Variants in UBE2E1 observed in about 807,000 individuals in gnomAD.
UBE2E1 encodes the protein ubiquitin-conjugating enzyme E2 E1.
A neutral mutation model predicts 21.4 loss-of-function variants in UBE2E1; 6 were observed. That is an observed-to-expected ratio of 0.28 (90% CI 0.15 to 0.55). The LOEUF (loss-of-function observed/expected upper bound fraction) is 0.55, where lower values mean the gene tolerates loss of function less well. Among genes scored for constraint, UBE2E1 ranks in the 20% least tolerant of loss-of-function variants. The pLI is 0.93. For missense variants in UBE2E1, 142 were observed against 236.5 expected, an observed-to-expected ratio of 0.60 and a Z score of 2.62; for synonymous variants, 87 against 82.7, an observed-to-expected ratio of 1.05 and a Z score of -0.28.
chr3:23,890,749 T>A lies in UBE2E1; in HGVS notation c.*143T>A. 1 of 705,426 alleles carries A rather than the reference T, an allele frequency of 1.4e-6. No homozygotes were observed. The highest frequency in any genetic ancestry group is 2.1e-6 in the Non-Finnish European group (1 of 470,876). The allele number at this position is 705,426 out of a possible 1,614,324, so 43.7% of individuals were successfully genotyped here. Reference sequence around the variant, plus strand: ...TTATTCAGTCTTATTTCCTAAGATTTTGTTGTAACTTAAGGTATCTTGCTA... The same window carrying A: ...TTATTCAGTCTTATTTCCTAAGATTATGTTGTAACTTAAGGTATCTTGCTA... On this transcript the variant is annotated 3_prime_UTR_variant, in exon 6 of 6. Coordinates refer to ENST00000306627, the MANE Select transcript of UBE2E1 (RefSeq NM_003341.5).
intron 3 of UBE2E1, 34 bp downstream of exon 3, chr3:23,811,544 A>G (rs1021753663): frequency 2.5e-6 from 4 of 1,598,728 alleles, no homozygotes; most frequent in Non-Finnish European, 3.4e-6. Flanking sequence ...CCATTTTTAA[A>G]ATTCTTCTAA....
intron 4 of UBE2E1, chr3:23,888,321 A>G (rs1259657246): frequency 3.3e-5 from 15 of 455,076 alleles, no homozygotes; most frequent in Non-Finnish European, 6.2e-5. Flanking sequence ...ATTCAGTCAG[A>G]AAGAAAACCC....
chr3:23,810,494 C>T lies in UBE2E1; in HGVS notation c.153-966C>T, dbSNP rs1057458406. On this transcript the variant is annotated intron_variant, in intron 2 of 5. Coordinates refer to ENST00000306627, the MANE Select transcript of UBE2E1 (RefSeq NM_003341.5). This position sits in a 1 kb window ranked among gnomAD's most constrained non-coding sequence, Gnocchi z 5.8. ...GCGGACCATGAAGGAAGTGGGCAGA[C>T]CCCGGGAAGTTAGAGGACGCCCGGG... 5.9e-6 allele frequency: 9 copies of T among 1,535,564 alleles called. No homozygotes were observed. The highest frequency in any genetic ancestry group is 7.8e-6 in the Non-Finnish European group (9 of 1,146,694).
chr3:23,867,148 A>G (rs912479622), intron 3 of UBE2E1, among the ~76,000 whole-genome samples: 4 of 139,112 alleles, frequency 2.9e-5, no homozygotes, highest in African/African-American at 1.1e-4. Flanking sequence ...TTTATATTTT[A>G]TGTATTTTAT....
At chr3:23,860,808 A>G (rs1310332631) in intron 3 of UBE2E1, among the ~76,000 whole-genome samples, 10 of 152,272 alleles carry the variant, frequency 6.6e-5, no homozygotes. Context: ...CATGTACACT[A>G]TATTTAAACT....
At position 23,876,567 on chromosome 3, in the gene UBE2E1, TA is replaced by T. The variant is rs751388399; in HGVS notation, c.204-10999del. On this transcript the variant is annotated intron_variant, in intron 3 of 5. Coordinates refer to ENST00000306627, the MANE Select transcript of UBE2E1 (RefSeq NM_003341.5). The surrounding 1 kb of genome is among the most constrained non-coding windows in gnomAD (Gnocchi z 4.3). ...AGTAGTGTGTTTGTCATAGGGAATG[TA>T]GATGTAATTGGATTTTTTTTTCATA... 3.1e-4 allele frequency among the ~76,000 whole-genome samples: 47 copies of T among 152,186 alleles called. No individual in the cohort carries two copies. The highest frequency in any genetic ancestry group is 7.8e-4 in the Admixed American group (12 of 15,288).
chr3:23,850,174 A>G (rs1700292292), intron 3 of UBE2E1, among the ~76,000 whole-genome samples: 1 of 152,146 alleles, frequency 6.6e-6, no homozygotes, highest in Non-Finnish European at 1.5e-5. Context: ...TATCTAATAT[A>G]TCAATCTATT....
chr3:23,830,688 T>C (rs1293005414), intron 3 of UBE2E1, among the ~76,000 whole-genome samples: 1 of 152,242 alleles, frequency 6.6e-6, no homozygotes. Flanking sequence ...ATGTGGAAAC[T>C]GTCCCTGTTT....
At position 23,879,941 on chromosome 3, in the gene UBE2E1, G is replaced by A. The variant is rs568036988; in HGVS notation, c.204-7626G>A. On this transcript the variant is annotated intron_variant, in intron 3 of 5. Transcript: ENST00000306627. ...AATGTAAAAATTCATTTGATAGAAA[G>A]ATACTTTTAAAAAATTGATTCTGGC... 1.5e-3 allele frequency among the ~76,000 whole-genome samples: 223 copies of A among 152,332 alleles called. 2 individuals are homozygous for A. Among genetic ancestry groups the A allele is most frequent in the African/African-American group, 4.9e-3 (202 of 41,576 alleles).
At chr3:23,888,243 AG>A in intron 4 of UBE2E1, 1 of 457,180 alleles carries the variant, frequency 2.2e-6, no homozygotes, top group South Asian at 1.5e-5. Flanking sequence ...TCCAGGCCTC[AG>A]TTTTCTTTCT....
intron 3 of UBE2E1, among the ~76,000 whole-genome samples, chr3:23,828,619 A>T (rs1194227835): frequency 6.6e-6 from 1 of 152,248 alleles, no homozygotes; most frequent in African/African-American, 2.4e-5. Context: ...CTCAAATTAC[A>T]AACTGAGCAT....
At chr3:23,889,680 ATTTTG>A in intron 5 of UBE2E1, 1 of 985,402 alleles carries the variant, frequency 1.0e-6, no homozygotes, top group Non-Finnish European at 1.2e-6. Context: ...ATGGCACTCA[ATTTTG>A]AAAATGGTAG....
Position 23,810,551 on chromosome 3 carries a change from T to C in UBE2E1, c.153-909T>C. On this transcript the variant is annotated intron_variant, in intron 2 of 5. Coordinates refer to ENST00000306627, the MANE Select transcript of UBE2E1 (RefSeq NM_003341.5). This position sits in a 1 kb window ranked among gnomAD's most constrained non-coding sequence, Gnocchi z 5.8. Reference sequence around the variant, plus strand: ...CAGGTCCGGGGAGGTGGGCCGAGAGTCCCGGCCAGCGTGCGGGGCGGAGGC... The same window carrying C: ...CAGGTCCGGGGAGGTGGGCCGAGAGCCCCGGCCAGCGTGCGGGGCGGAGGC... 1 of 1,529,840 alleles carries C rather than the reference T, an allele frequency of 6.5e-7. No homozygotes were observed. Among genetic ancestry groups the C allele is most frequent in the Non-Finnish European group, 8.7e-7 (1 of 1,143,380 alleles). The allele number at this position is 1,529,840 out of a possible 1,614,324, so 94.8% of individuals were successfully genotyped here. A position where few individuals can be genotyped will look rare whatever the true frequency, so the allele number is the denominator to read the frequency against.
chr3:23,875,261 G>T (rs1700890784), intron 3 of UBE2E1, among the ~76,000 whole-genome samples: 1 of 152,106 alleles, frequency 6.6e-6, no homozygotes, highest in South Asian at 2.1e-4. Flanking sequence ...ACCTAATATG[G>T]AAACACTGTT....
intron 3 of UBE2E1, among the ~76,000 whole-genome samples, chr3:23,814,160 A>C (rs942410319): frequency 6.6e-6 from 1 of 152,208 alleles, no homozygotes; most frequent in Non-Finnish European, 1.5e-5. Context: ...GTCTCAAAAA[A>C]AAAAGTTGAT....
rs1699699471 is a variant in UBE2E1 at position 23,823,957 on chromosome 3, C to T, written c.203+12447C>T. Among the ~76,000 whole-genome samples the T allele has an allele frequency of 6.6e-6, 1 of 152,196 alleles. No individual in the cohort carries two copies. The highest frequency in any genetic ancestry group is 1.5e-5 in the Non-Finnish European group (1 of 68,024). On this transcript the variant is annotated intron_variant, in intron 3 of 5. Transcript: ENST00000306627. The surrounding 1 kb of genome is among the most constrained non-coding windows in gnomAD (Gnocchi z 4.2). ...CATTTATTTTTTGTAGCTTGGTATT[C>T]TGAGATGTTCTCACATCCAAAGTAA...
At chr3:23,820,346 T>C (rs1699620323) in intron 3 of UBE2E1, among the ~76,000 whole-genome samples, 1 of 152,248 alleles carries the variant, frequency 6.6e-6, no homozygotes, top group South Asian at 2.1e-4. Flanking sequence ...AACTTTGCTG[T>C]ATGCTAATGG....
intron 3 of UBE2E1, among the ~76,000 whole-genome samples, chr3:23,832,676 A>G (rs1352101242): frequency 1.3e-5 from 2 of 152,300 alleles, no homozygotes; most frequent in South Asian, 4.1e-4. Flanking sequence ...CGAAGGTTAC[A>G]GTGAGCCAAG....
In UBE2E1 at chr3:23,808,950, T is replaced by G. The variant is rs1416331509; in HGVS notation, c.152+1529T>G. ...TATCCCTGGTGTACATGAATATATT[T>G]GGGGGTAAAGACACAGGTATCAAAT... is the stretch of plus-strand genomic sequence containing the variant. On this transcript the variant is annotated intron_variant, in intron 2 of 5. Coordinates refer to ENST00000306627, the MANE Select transcript of UBE2E1 (RefSeq NM_003341.5). This position sits in a 1 kb window ranked among gnomAD's most constrained non-coding sequence, Gnocchi z 4.9. 1.3e-5 allele frequency: 2 copies of G among 152,174 alleles called. No homozygotes were observed. Among genetic ancestry groups the G allele is most frequent in the South Asian group, 2.1e-4 (1 of 4,826 alleles). The allele number at this position is 152,174 out of a possible 1,614,324, so 9.4% of individuals were successfully genotyped here.
Sources: allele counts gnomAD v4.1 joint callset (sites outside exome capture counted in the v4.1 genomes callset), GRCh38; gene constraint gnomAD v4.1.1; non-coding constraint Gnocchi (gnomAD v3.1); transcripts MANE v1.5; gene names NCBI Gene and HGNC (gene_info 2026-07-23, HGNC 2026-07-21).